Variants in PCCA observed in about 807,000 individuals in gnomAD.
PCCA encodes propionyl-CoA carboxylase subunit alpha, also known as propionyl-CoA carboxylase alpha chain, mitochondrial.
PCCA carries 74 observed loss-of-function variants against 101.3 expected under a neutral mutation model. The ratio of observed to expected loss-of-function variants is 0.73; its 90% CI spans 0.61 to 0.89. The LOEUF is 0.89. Among genes scored for constraint, PCCA ranks in the 40% least tolerant of loss-of-function variants. The pLI is 0.00. For synonymous variants in PCCA, 294 were observed against 313.6 expected (o/e 0.94, Z 0.66); for missense variants, 891 against 907.0 (o/e 0.98, Z 0.23).
chr13:100,100,772 CG>C (rs1566465255), intron 1 of PCCA, among the ~76,000 whole-genome samples: 3 of 146,908 alleles, frequency 2.0e-5, no homozygotes, highest in Non-Finnish European at 4.4e-5. Context: ...TTTGCTTGTA[CG>C]AGTTCTACTT....
At chr13:100,202,730 A>G (rs1264461869) in intron 6 of PCCA, among the ~76,000 whole-genome samples, 1 of 150,242 alleles carries the variant, frequency 6.7e-6, no homozygotes, top group Non-Finnish European at 1.5e-5. Context: ...CATCTTCTGT[A>G]TTATTTATTC....
At chr13:100,505,131 G>T (rs2085967172) in intron 21 of PCCA, among the ~76,000 whole-genome samples, 1 of 152,150 alleles carries the variant, frequency 6.6e-6, no homozygotes, top group African/African-American at 2.4e-5. Flanking sequence ...TAAGAGAGGG[G>T]CTAAAATAAA....
intron 5 of PCCA, 116 bp downstream of exon 5, chr13:100,155,208 G>T (rs779525559): frequency 8.9e-5 from 67 of 754,074 alleles, no homozygotes; most frequent in Non-Finnish European, 1.2e-4. Context: ...GTTGCAGTTA[G>T]TTCATGTCAC....
intron 16 of PCCA, among the ~76,000 whole-genome samples, chr13:100,320,954 C>T (rs946270595): frequency 6.6e-6 from 1 of 152,100 alleles, no homozygotes; most frequent in East Asian, 1.9e-4. Context: ...CTTTGTTGTC[C>T]AGGCTGGTCA....
At chr13:100,380,021 A>G (rs1344932179) in intron 19 of PCCA, among the ~76,000 whole-genome samples, 3 of 151,920 alleles carry the variant, frequency 2.0e-5, no homozygotes, top group African/African-American at 4.8e-5. Flanking sequence ...CAGAATAGCC[A>G]AAGTAATCTA....
At chr13:100,404,320 C>T (rs2077542398) in intron 19 of PCCA, among the ~76,000 whole-genome samples, 1 of 152,182 alleles carries the variant, frequency 6.6e-6, no homozygotes, top group African/African-American at 2.4e-5. Context: ...GGGTTCCCTT[C>T]CCCTGAGCCC....
At chr13:100,385,863 T>C (rs1035604036) in intron 19 of PCCA, among the ~76,000 whole-genome samples, 1 of 152,184 alleles carries the variant, frequency 6.6e-6, no homozygotes, top group East Asian at 1.9e-4. Flanking sequence ...CCACCTGCCT[T>C]GGCCTTCCAA....
Position 100,116,951 on chromosome 13 carries a change from A to G in PCCA, c.300+4890A>G, listed in dbSNP as rs370103020. ...AACAGCCCTTGGATCAGATTTGGCC[A>G]GTGGGTAGACAGTATTTTGCTGATG... On this transcript the variant is annotated intron_variant, in intron 4 of 23. Transcript: ENST00000376285. Among the ~76,000 whole-genome samples the G allele has an allele frequency of 5.3e-5, 8 of 152,174 alleles. No individual in the cohort carries two copies. In the East Asian group the frequency reaches 9.6e-4, roughly 18 times the overall value.
intron 7 of PCCA, among the ~76,000 whole-genome samples, chr13:100,216,392 T>A (rs1044440787): frequency 6.6e-5 from 10 of 152,212 alleles, no homozygotes; most frequent in African/African-American, 2.4e-4. Flanking sequence ...AGTAGGGAGC[T>A]TAGATTTTTA....
chr13:100,510,885 C>T (rs1001141613), intron 21 of PCCA, among the ~76,000 whole-genome samples: 2 of 152,234 alleles, frequency 1.3e-5, no homozygotes, highest in Non-Finnish European at 2.9e-5. Context: ...TCGCCCTGCG[C>T]CTTAGCTGCT....
intron 16 of PCCA, among the ~76,000 whole-genome samples, chr13:100,318,438 C>T (rs1296332399): frequency 6.6e-6 from 1 of 151,710 alleles, no homozygotes; most frequent in African/African-American, 2.4e-5. Context: ...CCCATTAACT[C>T]GTCATTTACA....
chr13:100,273,598 T>A (rs1438896806), intron 12 of PCCA, among the ~76,000 whole-genome samples: 1 of 152,214 alleles, frequency 6.6e-6, no homozygotes, highest in Non-Finnish European at 1.5e-5. Flanking sequence ...TTCTTGAACC[T>A]TTCTAGATGA....
chr13:100,229,717 G>A (rs1273002388), intron 7 of PCCA, among the ~76,000 whole-genome samples: 2 of 152,224 alleles, frequency 1.3e-5, no homozygotes, highest in Non-Finnish European at 2.9e-5. Flanking sequence ...ACAGCAGTAG[G>A]GTGGGCGCCT....
chr13:100,400,356 A>T (rs917653477), intron 19 of PCCA, among the ~76,000 whole-genome samples: 1 of 152,158 alleles, frequency 6.6e-6, no homozygotes, highest in Non-Finnish European at 1.5e-5. Flanking sequence ...TTTTATCAAA[A>T]AGTACCCATC....
At chr13:100,090,094 A>C (rs1484502920) in intron 1 of PCCA, among the ~76,000 whole-genome samples, 1 of 152,176 alleles carries the variant, frequency 6.6e-6, no homozygotes. Context: ...TGCTTGTTAA[A>C]CTTCCTTTTA....
chr13:100,100,237 C>T (rs1164747813), intron 1 of PCCA, among the ~76,000 whole-genome samples: 1 of 152,136 alleles, frequency 6.6e-6, no homozygotes, highest in African/African-American at 2.4e-5. Context: ...AGGGTCAATG[C>T]CACTTCCTAT....
intron 20 of PCCA, among the ~76,000 whole-genome samples, chr13:100,445,482 G>A (rs761602353): frequency 2.0e-5 from 3 of 152,002 alleles, no homozygotes; most frequent in Non-Finnish European, 4.4e-5. Context: ...TTAATAATAC[G>A]TCGTCATTAA....
chr13:100,385,670 C>T (rs1249677842), intron 19 of PCCA, among the ~76,000 whole-genome samples: 3 of 151,948 alleles, frequency 2.0e-5, no homozygotes, highest in Admixed American at 6.6e-5. Context: ...TTGCCCAGGC[C>T]GGAGTGCAGT....
rs1219124517 is a variant in PCCA at position 100,527,694 on chromosome 13, T to C, written c.2060T>C (p.Ile687Thr). ...TTCCAGGTAGCAGAAGGTCAAGAAATTTGTGTGATTGAAGCCATGAAAATG... is the reference window on the plus strand; with the variant it reads ...TTCCAGGTAGCAGAAGGTCAAGAAACTTGTGTGATTGAAGCCATGAAAATG... The part of the protein sequence containing the change: ...PGDAVAEGQE[I>T]CVIEAMKMQN... The change falls in exon 23 of 24, where the codon ATT becomes ACT. Residue 687 changes from isoleucine to threonine, a missense_variant. Coordinates refer to ENST00000376285, the MANE Select transcript of PCCA (RefSeq NM_000282.4). 4 of 1,613,808 alleles carry C rather than the reference T, an allele frequency of 2.5e-6. No individual in the cohort carries two copies.
Sources: gnomAD v4.1 joint callset for allele counts (sites outside exome capture counted in the v4.1 genomes callset) on GRCh38, gnomAD v4.1.1 for gene constraint, MANE v1.5 for transcripts, NCBI Gene and HGNC (gene_info 2026-07-23, HGNC 2026-07-21) for gene names.